SGCZ: variants seen among roughly 807,000 people sequenced by gnomAD.
The protein encoded by SGCZ is zeta-sarcoglycan.
Under a neutral mutation model 41.3 loss-of-function variants are expected in SGCZ, and 40 were observed. The ratio of observed to expected loss-of-function variants is 0.97; its 90% CI spans 0.75 to 1.26. The LOEUF is 1.26. SGCZ is among the 50% of genes most tolerant of loss of function. The pLI is 0.00. For missense variants in SGCZ, 552 were observed against 369.8 expected (o/e 1.49, Z -4.04); for synonymous variants, 206 against 137.5 (o/e 1.50, Z -3.49).
At chr8:14,114,346 A>G (rs1432995135) in intron 5 of SGCZ, among the ~76,000 whole-genome samples, 1 of 152,004 alleles carries the variant, frequency 6.6e-6, no homozygotes, top group Non-Finnish European at 1.5e-5. Flanking sequence ...ATCTGAATGT[A>G]TTGAAACTGT....
intron 1 of SGCZ, among the ~76,000 whole-genome samples, chr8:14,982,865 G>A (rs1391888356): frequency 2.0e-5 from 3 of 152,132 alleles, no homozygotes; most frequent in African/African-American, 4.8e-5. Flanking sequence ...GCTACTGATC[G>A]TTCAAACTTT....
intron 2 of SGCZ, among the ~76,000 whole-genome samples, chr8:14,431,990 T>C (rs1386864475): frequency 6.6e-6 from 1 of 151,606 alleles, no homozygotes; most frequent in Non-Finnish European, 1.5e-5. Flanking sequence ...ATCACCTTAC[T>C]CTTGCAAGAA....
intron 3 of SGCZ, among the ~76,000 whole-genome samples, chr8:14,282,066 C>G (rs1318491728): frequency 1.3e-5 from 2 of 151,950 alleles, no homozygotes; most frequent in African/African-American, 2.4e-5. Context: ...TAAACTTAGT[C>G]TTTCTATATT....
At chr8:15,064,673 T>G (rs1805060741) in intron 1 of SGCZ, among the ~76,000 whole-genome samples, 1 of 152,144 alleles carries the variant, frequency 6.6e-6, no homozygotes, top group Admixed American at 6.5e-5. Context: ...ATTGCTTCTT[T>G]GTCCCTCCCT....
chr8:15,207,865 G>C (rs1801118072), intron 1 of SGCZ, among the ~76,000 whole-genome samples: 2 of 152,154 alleles, frequency 1.3e-5, no homozygotes, highest in South Asian at 4.1e-4. Flanking sequence ...AAATATACCT[G>C]TTATAACAGA....
chr8:14,552,776 G>A (rs1270269063), intron 2 of SGCZ, among the ~76,000 whole-genome samples: 1 of 152,006 alleles, frequency 6.6e-6, no homozygotes, highest in Non-Finnish European at 1.5e-5. Flanking sequence ...TCTGATGCAT[G>A]TAGCCATGTA....
At chr8:15,150,001 T>A (rs1052213612) in intron 1 of SGCZ, among the ~76,000 whole-genome samples, 2 of 152,148 alleles carry the variant, frequency 1.3e-5, no homozygotes, top group Non-Finnish European at 2.9e-5. Flanking sequence ...TGGAAAAAAA[T>A]CTGCAGTGTG....
chr8:14,771,690 G>GCTTCCCAA (rs1262940619), intron 1 of SGCZ, among the ~76,000 whole-genome samples: 15 of 151,986 alleles, frequency 9.9e-5, no homozygotes, highest in African/African-American at 3.4e-4. Context: ...AATACATTTG[G>GCTTCCCAA]GAAGCAGTGG....
intron 1 of SGCZ, among the ~76,000 whole-genome samples, chr8:15,116,624 C>T (rs1249535919): frequency 6.6e-6 from 1 of 152,126 alleles, no homozygotes; most frequent in Non-Finnish European, 1.5e-5. Flanking sequence ...AGGGTATATC[C>T]ACAGGAAGTG....
chr8:14,490,989 A>G (rs1415007175), intron 2 of SGCZ, among the ~76,000 whole-genome samples: 1 of 152,236 alleles, frequency 6.6e-6, no homozygotes, highest in Non-Finnish European at 1.5e-5. Context: ...AAAAACCTTG[A>G]AAATTATTCC....
intron 1 of SGCZ, among the ~76,000 whole-genome samples, chr8:14,840,048 C>G (rs1802845996): frequency 6.6e-6 from 1 of 152,008 alleles, no homozygotes; most frequent in South Asian, 2.1e-4. Flanking sequence ...AGAAACCAAA[C>G]AACACCCTTA....
chr8:14,257,316 C>A lies in SGCZ; in HGVS notation c.337-19637G>T, dbSNP rs999249781. Reference sequence around the variant, plus strand: ...ACTCACTCCCTCACTCCACTCACTCCAGCCTGGGCAATGGAGTGAGACCCT... The same window carrying A: ...ACTCACTCCCTCACTCCACTCACTCAAGCCTGGGCAATGGAGTGAGACCCT... On this transcript the variant is annotated intron_variant, in intron 3 of 7. Transcript: ENST00000382080. Among the ~76,000 whole-genome samples, 24 of 151,496 alleles carry A rather than the reference C, an allele frequency of 1.6e-4. 1 individual carries two copies. The highest frequency in any genetic ancestry group is 7.4e-5 in the Non-Finnish European group (5 of 67,862).
intron 2 of SGCZ, among the ~76,000 whole-genome samples, chr8:14,361,688 G>C (rs1050596230): frequency 6.6e-6 from 1 of 152,176 alleles, no homozygotes; most frequent in East Asian, 1.9e-4. Flanking sequence ...CTGTCAACTT[G>C]TCAAACCCAT....
chr8:14,278,699 T>C lies in SGCZ; in HGVS notation c.337-41020A>G, dbSNP rs953870576. On this transcript the variant is annotated intron_variant, in intron 3 of 7. Transcript: ENST00000382080. ...TTGATTTGATATAATCTTTCTAGTA[T>C]CTAACTGAATATGCTTCTAAGTATC... 2.0e-5 allele frequency among the ~76,000 whole-genome samples: 3 copies of C among 152,156 alleles called. No homozygotes were observed. The East Asian group carries it at 5.8e-4, about 29-fold the overall frequency.
Position 14,254,058 on chromosome 8 carries a change from C to T in SGCZ, c.337-16379G>A, listed in dbSNP as rs141019726. On this transcript the variant is annotated intron_variant, in intron 3 of 7. Transcript: ENST00000382080. ...CAAAAAGATATTAAATATGTTACAACCTTAAACACAGTCTTAAATTGGGCA... is the reference window on the plus strand; with the variant it reads ...CAAAAAGATATTAAATATGTTACAATCTTAAACACAGTCTTAAATTGGGCA... Among the ~76,000 whole-genome samples the T allele has an allele frequency of 1.6e-3, 238 of 152,126 alleles. 1 individual carries two copies. The highest frequency in any genetic ancestry group is 5.4e-3 in the African/African-American group (224 of 41,486).
chr8:14,657,577 G>C (rs556298438), intron 1 of SGCZ, among the ~76,000 whole-genome samples: 1 of 151,922 alleles, frequency 6.6e-6, no homozygotes, highest in Non-Finnish European at 1.5e-5. Flanking sequence ...TTTTTCTTGG[G>C]AACTTTCTGA....
chr8:15,022,533 G>A (rs953757631), intron 1 of SGCZ, among the ~76,000 whole-genome samples: 13 of 151,956 alleles, frequency 8.6e-5, no homozygotes, highest in African/African-American at 2.7e-4. Context: ...TAGCAGAGAC[G>A]GGGTTTCACC....
intron 1 of SGCZ, among the ~76,000 whole-genome samples, chr8:14,679,857 C>A (rs960301079): frequency 6.6e-6 from 1 of 151,884 alleles, no homozygotes; most frequent in Non-Finnish European, 1.5e-5. Context: ...CTTTGATACC[C>A]ATTTTTTCTC....
At chr8:14,659,876 G>A (rs114789771) in intron 1 of SGCZ, among the ~76,000 whole-genome samples, 1 of 152,144 alleles carries the variant, frequency 6.6e-6, no homozygotes, top group Non-Finnish European at 1.5e-5. Context: ...CCTATTACAG[G>A]TCACACTTTA....
Sources: gnomAD v4.1 joint callset for allele counts (sites outside exome capture counted in the v4.1 genomes callset) on GRCh38, gnomAD v4.1.1 for gene constraint, MANE v1.5 for transcripts, NCBI Gene and HGNC (gene_info 2026-07-23, HGNC 2026-07-21) for gene names.